BMPER: variants seen among roughly 807,000 people sequenced by gnomAD.
BMPER encodes BMP-binding endothelial regulator protein.
BMPER carries 45 observed loss-of-function variants against 87.3 expected under a neutral mutation model. The observed-to-expected ratio is 0.52, with a 90% confidence interval of 0.41 to 0.66. BMPER has a LOEUF of 0.66. Ranked by LOEUF, BMPER falls within the 30% of genes least tolerant of loss-of-function variation. The probability of loss-of-function intolerance (pLI) is 0.00; values close to 1 mark genes in which losing one functional copy is unlikely to be tolerated. For synonymous variants in BMPER, 326 were observed against 316.2 expected, an observed-to-expected ratio of 1.03 and a Z score of -0.33; for missense variants, 784 against 867.5, an observed-to-expected ratio of 0.90 and a Z score of 1.21.
chr7:34,055,376 C>G, intron 9 of BMPER, 73 bp downstream of exon 9: 1 of 1,583,276 alleles, frequency 6.3e-7, no homozygotes, highest in Non-Finnish European at 8.7e-7. Flanking sequence ...AGACACTAGG[C>G]AGATTGGGTT....
intron 6 of BMPER, among the ~76,000 whole-genome samples, chr7:34,045,994 CAG>C (rs1313198503): frequency 6.6e-6 from 1 of 152,078 alleles, no homozygotes; most frequent in Non-Finnish European, 1.5e-5. Flanking sequence ...CCCAAGCAAA[CAG>C]AGAGAGTTTT....
At chr7:33,998,342 A>G (rs1001164263) in intron 6 of BMPER, among the ~76,000 whole-genome samples, 3 of 152,136 alleles carry the variant, frequency 2.0e-5, no homozygotes, top group African/African-American at 7.2e-5. Flanking sequence ...AAACCCTCTA[A>G]TGGGCCCTTC....
chr7:34,103,168 A>G (rs1480408877), intron 13 of BMPER, among the ~76,000 whole-genome samples: 1 of 152,196 alleles, frequency 6.6e-6, no homozygotes, highest in East Asian at 1.9e-4. Context: ...AGAAACTCCT[A>G]GGAGACATGA....
At chr7:33,950,809 A>G (rs1162175027) in intron 3 of BMPER, among the ~76,000 whole-genome samples, 1 of 152,158 alleles carries the variant, frequency 6.6e-6, no homozygotes, top group Non-Finnish European at 1.5e-5. Flanking sequence ...ACAGCTTAGA[A>G]TTCTACCAAC....
intron 13 of BMPER, among the ~76,000 whole-genome samples, chr7:34,121,792 T>TTA (rs1790269272): frequency 6.6e-6 from 1 of 152,186 alleles, no homozygotes; most frequent in Admixed American, 6.5e-5. Context: ...CCCAGTATAG[T>TTA]ACCTCAAATC....
At chr7:34,038,435 C>T (rs1233304303) in intron 6 of BMPER, among the ~76,000 whole-genome samples, 2 of 152,170 alleles carry the variant, frequency 1.3e-5, no homozygotes, top group African/African-American at 2.4e-5. Context: ...CCTGCTGATA[C>T]CTGGATTTTA....
intron 6 of BMPER, among the ~76,000 whole-genome samples, chr7:34,038,476 T>C (rs1216167949): frequency 2.0e-5 from 3 of 152,214 alleles, no homozygotes; most frequent in Non-Finnish European, 4.4e-5. Context: ...GACTTCTGAC[T>C]GTAAGAAAAT....
intron 13 of BMPER, among the ~76,000 whole-genome samples, chr7:34,109,644 C>T (rs1789910901): frequency 6.6e-6 from 1 of 152,128 alleles, no homozygotes; most frequent in Non-Finnish European, 1.5e-5. Flanking sequence ...TACTGAGTTC[C>T]CACTGCCTGT....
intron 6 of BMPER, among the ~76,000 whole-genome samples, chr7:33,990,307 G>GTTCTCCTTGAAGAGAGAGAAC (rs1786168283): frequency 7.3e-6 from 1 of 137,292 alleles, no homozygotes; most frequent in Admixed American, 7.8e-5. Flanking sequence ...GTGGTTTGTA[G>GTTCTCCTTGAAGAGAGAGAAC]TTCTCCTTGA....
intron 6 of BMPER, among the ~76,000 whole-genome samples, chr7:34,019,868 A>T (rs985245017): frequency 6.6e-6 from 1 of 151,940 alleles, no homozygotes; most frequent in South Asian, 2.1e-4. Context: ...GGCCAGGAGA[A>T]TGTGTCACCC....
chr7:33,909,322 A>G (rs149321960), intron 2 of BMPER, among the ~76,000 whole-genome samples: 2 of 152,272 alleles, frequency 1.3e-5, no homozygotes, highest in African/African-American at 2.4e-5. Context: ...GAAACAGCCT[A>G]TTTGTTGAGT....
chr7:34,028,599 C>CGGT (rs1787425123), intron 6 of BMPER, among the ~76,000 whole-genome samples: 1 of 11,730 alleles, frequency 8.5e-5, no homozygotes. Context: ...ATCATTTTTT[C>CGGT]TGTTTTTTTT....
At chr7:33,916,710 G>A (rs774587110) in intron 2 of BMPER, among the ~76,000 whole-genome samples, 46 of 152,196 alleles carry the variant, frequency 3.0e-4, no homozygotes, top group Non-Finnish European at 5.4e-4. Context: ...GCGAATTCAC[G>A]TCTTAAGGGA....
chr7:34,094,045 A>G (rs911728915), intron 13 of BMPER, among the ~76,000 whole-genome samples: 1 of 152,180 alleles, frequency 6.6e-6, no homozygotes, highest in Admixed American at 6.5e-5. Context: ...CCTGACAGGC[A>G]CACCTGGTCT....
intron 9 of BMPER, among the ~76,000 whole-genome samples, chr7:34,056,203 A>G (rs535013769): frequency 1.7e-4 from 26 of 152,148 alleles, no homozygotes; most frequent in Non-Finnish European, 3.4e-4. Flanking sequence ...TCATGTGGAC[A>G]TGGGAGAGGA....
At chr7:33,935,224 G>C (rs1784574473) in intron 2 of BMPER, among the ~76,000 whole-genome samples, 1 of 152,108 alleles carries the variant, frequency 6.6e-6, no homozygotes, top group South Asian at 2.1e-4. Flanking sequence ...GGGGAGCGTG[G>C]AGCCAGTATG....
chr7:34,022,710 A>G (rs1264011118), intron 6 of BMPER, among the ~76,000 whole-genome samples: 2 of 151,256 alleles, frequency 1.3e-5, no homozygotes, highest in Non-Finnish European at 3.0e-5. Context: ...TTTGCCAAAA[A>G]AAAAAAAAAA....
intron 3 of BMPER, among the ~76,000 whole-genome samples, chr7:33,940,495 G>GTGTTC (rs1784725196): frequency 6.6e-6 from 1 of 152,184 alleles, no homozygotes; most frequent in African/African-American, 2.4e-5. Flanking sequence ...TCAGATCTGA[G>GTGTTC]TGTTCACCCA....
At chr7:34,109,310 C>CT (rs1583448562) in intron 13 of BMPER, among the ~76,000 whole-genome samples, 1 of 152,116 alleles carries the variant, frequency 6.6e-6, no homozygotes, top group Non-Finnish European at 1.5e-5. Flanking sequence ...GGAGGGTCAG[C>CT]TTTTTTGTCT....
Sources: allele counts gnomAD v4.1 joint callset (sites outside exome capture counted in the v4.1 genomes callset), GRCh38; gene constraint gnomAD v4.1.1; transcripts MANE v1.5; gene names NCBI Gene and HGNC (gene_info 2026-07-23, HGNC 2026-07-21).